RBPJ: variants seen among roughly 807,000 people sequenced by gnomAD.
RBPJ encodes recombining binding protein suppressor of hairless.
Under a neutral mutation model 67.8 loss-of-function variants are expected in RBPJ, and 9 were observed. The observed-to-expected ratio is 0.13, with a 90% CI of 0.08 to 0.23. The LOEUF (loss-of-function observed/expected upper bound fraction) is 0.23. RBPJ is among the 10% of genes least tolerant of loss of function. The probability of loss-of-function intolerance (pLI) is 1.00; values close to 1 mark genes in which losing one functional copy is unlikely to be tolerated. For synonymous variants in RBPJ, 198 were observed against 203.3 expected, an observed-to-expected ratio of 0.97 and a Z score of 0.22; for missense variants, 305 against 595.6, an observed-to-expected ratio of 0.51 and a Z score of 5.08.
At chr4:26,146,033 C>T in the RBPJ span, among the ~76,000 whole-genome samples, 1 of 152,158 alleles carries the variant, frequency 6.6e-6, no homozygotes, top group Admixed American at 6.5e-5. Flanking sequence ...ACCTTCTGGG[C>T]TCAAGTAATC....
At chr4:26,328,412 TAG>T (rs1373666445) in intron 1 of RBPJ, among the ~76,000 whole-genome samples, 9 of 152,130 alleles carry the variant, frequency 5.9e-5, no homozygotes, top group Non-Finnish European at 1.0e-4. Flanking sequence ...CATGACTTGG[TAG>T]AGTGTACACA....
chr4:26,384,822 C>T (rs1730678864), intron 1 of RBPJ, among the ~76,000 whole-genome samples: 2 of 76,756 alleles, frequency 2.6e-5, no homozygotes, highest in Middle Eastern at 8.8e-3. Context: ...TCTCCCCTCT[C>T]CCCCTCCCCT....
intron 1 of RBPJ, among the ~76,000 whole-genome samples, chr4:26,351,060 T>TCCA (rs1450930423): frequency 6.6e-6 from 1 of 151,926 alleles, no homozygotes; most frequent in East Asian, 1.9e-4. Context: ...AACACTATAT[T>TCCA]ATATACGTTA....
intron 3 of RBPJ, among the ~76,000 whole-genome samples, chr4:26,414,176 A>ATT (rs577760546): frequency 1.4e-5 from 2 of 147,168 alleles, no homozygotes; most frequent in African/African-American, 2.5e-5. Context: ...GATATTCCTA[A>ATT]TTTTTTTTTT....
intron 1 of RBPJ, among the ~76,000 whole-genome samples, chr4:26,272,928 G>A (rs2109266360): frequency 6.6e-6 from 1 of 152,280 alleles, no homozygotes; most frequent in East Asian, 1.9e-4. Context: ...CATGCCTAAG[G>A]TGAATGTTTA....
At chr4:26,395,106 G>C (rs563417848) in intron 2 of RBPJ, among the ~76,000 whole-genome samples, 1 of 152,224 alleles carries the variant, frequency 6.6e-6, no homozygotes, top group African/African-American at 2.4e-5. Flanking sequence ...AATTCTGTTG[G>C]CTTGCTTTGA....
At chr4:26,269,456 A>T (rs1720809870) in intron 1 of RBPJ, among the ~76,000 whole-genome samples, 2 of 151,968 alleles carry the variant, frequency 1.3e-5, no homozygotes, top group African/African-American at 4.8e-5. Context: ...GGGTTTCACC[A>T]TGTTGGCCAG....
intron 1 of RBPJ, among the ~76,000 whole-genome samples, chr4:26,205,987 A>T (rs1698861422): frequency 8.6e-6 from 1 of 116,038 alleles, no homozygotes; most frequent in East Asian, 3.1e-4. Context: ...AGTAAATATG[A>T]TATATGCGTA....
the RBPJ span, among the ~76,000 whole-genome samples, chr4:26,114,167 C>T: frequency 3.9e-5 from 6 of 152,178 alleles, no homozygotes; most frequent in South Asian, 1.2e-3. Context: ...CAGAATTAAA[C>T]ATGTATGTGG....
At chr4:26,134,325 G>A in the RBPJ span, among the ~76,000 whole-genome samples, 1 of 152,124 alleles carries the variant, frequency 6.6e-6, no homozygotes, top group East Asian at 1.9e-4. Flanking sequence ...GACATGACCT[G>A]AGACATAATT....
In RBPJ at chr4:26,174,320, G is replaced by A. The variant is rs144771738; in HGVS notation, c.-167+10706G>A. Among the ~76,000 whole-genome samples, 3 of 152,244 alleles carry A rather than the reference G, an allele frequency of 2.0e-5. No homozygotes were observed. In the East Asian group the frequency reaches 5.8e-4, roughly 29 times the overall value. ...AGAGCTTCGGGGAGGACTTCCTCTG[G>A]TGACTGACACGGCGTAAATTTCTCA... On this transcript the variant is annotated intron_variant, in intron 1 of 4. Coordinates refer to the RBPJ transcript ENST00000512351.
At chr4:26,250,834 C>T (rs373356885) in intron 1 of RBPJ, among the ~76,000 whole-genome samples, 1 of 152,178 alleles carries the variant, frequency 6.6e-6, no homozygotes, top group Non-Finnish European at 1.5e-5. Flanking sequence ...CTGTGGACAT[C>T]TTTTCAAGTC....
In RBPJ at chr4:26,396,364, T is replaced by A. The variant is rs545298265; in HGVS notation, c.60-9811T>A. Among the ~76,000 whole-genome samples, 34 of 152,300 alleles carry A rather than the reference T, an allele frequency of 2.2e-4. No individual in the cohort carries two copies. The South Asian group carries it at 4.8e-3, about 21-fold the overall frequency. On this transcript the variant is annotated intron_variant, in intron 2 of 10. Coordinates refer to ENST00000355476, the MANE Select transcript of RBPJ (RefSeq NM_015874.6). ...AGGGCATCTTGAGGGAATAAGAGAA[T>A]GGAGTAGAGTAGGAAGAGACTATGC...
chr4:26,170,856 A>C (rs1716552552), intron 1 of RBPJ, among the ~76,000 whole-genome samples: 2 of 152,224 alleles, frequency 1.3e-5, no homozygotes, highest in African/African-American at 4.8e-5. Flanking sequence ...CTTAATGCTT[A>C]ATCTTTCTGA....
chr4:26,388,731 T>C (rs563311298), intron 2 of RBPJ, among the ~76,000 whole-genome samples: 24 of 152,224 alleles, frequency 1.6e-4, no homozygotes, highest in African/African-American at 5.5e-4. Context: ...CATGAAGACA[T>C]AGCAATAGAT....
intron 1 of RBPJ, among the ~76,000 whole-genome samples, chr4:26,310,122 A>G (rs895245850): frequency 5.9e-5 from 9 of 152,206 alleles, no homozygotes; most frequent in South Asian, 2.1e-4. Context: ...ATTAAACACA[A>G]TTGGACAGAA....
chr4:26,192,497 C>T (rs1193952541), intron 1 of RBPJ, among the ~76,000 whole-genome samples: 1 of 152,168 alleles, frequency 6.6e-6, no homozygotes, highest in Non-Finnish European at 1.5e-5. Flanking sequence ...ATGCAATACC[C>T]ACTCATTAGA....
intron 2 of RBPJ, among the ~76,000 whole-genome samples, chr4:26,403,824 C>CAA (rs1265740359): frequency 6.6e-6 from 1 of 151,762 alleles, no homozygotes; most frequent in Non-Finnish European, 1.5e-5. Context: ...ATTGCTATTG[C>CAA]AAATAGTGCT....
At chr4:26,197,986 C>T (rs1238776802) in intron 1 of RBPJ, among the ~76,000 whole-genome samples, 2 of 152,138 alleles carry the variant, frequency 1.3e-5, no homozygotes, top group African/African-American at 4.8e-5. Flanking sequence ...GGCGCAGTGG[C>T]TCACTTCACA....
Sources: gnomAD v4.1 joint callset for allele counts (sites outside exome capture counted in the v4.1 genomes callset) on GRCh38, gnomAD v4.1.1 for gene constraint, MANE v1.5 for transcripts, NCBI Gene and HGNC (gene_info 2026-07-23, HGNC 2026-07-21) for gene names.